Variants in IRF4 observed in about 807,000 individuals in gnomAD.
The protein encoded by IRF4 is lymphocyte-specific interferon regulatory factor.
A neutral mutation model predicts 55.5 loss-of-function variants in IRF4; 13 were observed. The observed-to-expected ratio is 0.23, with a 90% confidence interval of 0.15 to 0.37. IRF4 has a LOEUF of 0.37. IRF4 is among the 10% of genes least tolerant of loss of function. The pLI, the probability that IRF4 is intolerant of heterozygous loss-of-function variation, is 1.00. For missense variants in IRF4, 397 were observed against 593.8 expected (o/e 0.67, Z 3.44); for synonymous variants, 249 against 240.7 (o/e 1.03, Z -0.32).
Position 408,343 on chromosome 6 carries a change from C to G in IRF4, c.*745C>G, listed in dbSNP as rs929429876. On this transcript the variant is annotated 3_prime_UTR_variant, in exon 9 of 9. Transcript: ENST00000380956. ...GCCTGTAGCCTTGGGGAGGCCCATCCCCCACCTGCCAGCGGTTTCCTGGTG... is the reference window on the plus strand; with the variant it reads ...GCCTGTAGCCTTGGGGAGGCCCATCGCCCACCTGCCAGCGGTTTCCTGGTG... The G allele has an allele frequency of 4.3e-6, 1 of 231,816 alleles. No homozygotes were observed. Among genetic ancestry groups the G allele is most frequent in the African/African-American group, 2.2e-5 (1 of 45,256 alleles). 14.4% of individuals were successfully genotyped at this position (231,816 alleles called of 1,614,324 possible). A position where few individuals can be genotyped will look rare whatever the true frequency, so the allele number is the denominator to read the frequency against.
At position 393,067 on chromosome 6, in the gene IRF4, C is replaced by G. The variant is rs1353957641; in HGVS notation, c.-55-31C>G. 1 of 1,276,432 alleles carries G rather than the reference C, an allele frequency of 7.8e-7. No individual in the cohort carries two copies. The highest frequency in any genetic ancestry group is 1.1e-6 in the Non-Finnish European group (1 of 928,740). 79.1% of individuals were successfully genotyped at this position (1,276,432 alleles called of 1,614,324 possible). A position where few individuals can be genotyped will look rare whatever the true frequency, so the allele number is the denominator to read the frequency against. Reference sequence around the variant, plus strand: ...GCGGGGTGCCCGGAGTGCGGTGCCTCGTGGCTGAAGGGCAGCTCTTCTCCC... The same window carrying G: ...GCGGGGTGCCCGGAGTGCGGTGCCTGGTGGCTGAAGGGCAGCTCTTCTCCC... On this transcript the variant is annotated intron_variant, in intron 1 of 8. Transcript: ENST00000380956. The surrounding 1 kb of genome is among the most constrained non-coding windows in gnomAD (Gnocchi z 5.4).
chr6:392,364 A>G lies in IRF4; in HGVS notation c.-56+555A>G, dbSNP rs147430042. On this transcript the variant is annotated intron_variant, in intron 1 of 8. Coordinates refer to ENST00000380956, the MANE Select transcript of IRF4 (RefSeq NM_002460.4). ...CGGCCTGGCGCGGTCCCTGCCTCCC[A>G]GGCTCCGCAGCTGTCGTCGCCCTCT... 6.8e-3 allele frequency among the ~76,000 whole-genome samples: 1,033 copies of G among 152,060 alleles called. 10 individuals carry two copies. Among genetic ancestry groups the G allele is most frequent in the Non-Finnish European group, 0.012 (846 of 67,962 alleles).
At chr6:392,528 T>C (rs1761132824) in intron 1 of IRF4, among the ~76,000 whole-genome samples, 1 of 152,238 alleles carries the variant, frequency 6.6e-6, no homozygotes, top group South Asian at 2.1e-4. Context: ...TAGTGCGCGC[T>C]AGCTGGGCAG....
At chr6:405,749 G>A (rs1019723575) in intron 8 of IRF4, among the ~76,000 whole-genome samples, 2 of 152,214 alleles carry the variant, frequency 1.3e-5, no homozygotes, top group African/African-American at 2.4e-5. Context: ...ACTGTGGCAA[G>A]TAACACTAAA....
intron 8 of IRF4, among the ~76,000 whole-genome samples, chr6:406,094 G>C (rs1367109318): frequency 1.3e-5 from 2 of 152,178 alleles, no homozygotes; most frequent in African/African-American, 2.4e-5. Flanking sequence ...CAACCAACCA[G>C]TATATAATCC....
chr6:403,013 G>A (rs1010334998), intron 7 of IRF4, among the ~76,000 whole-genome samples: 5 of 152,234 alleles, frequency 3.3e-5, no homozygotes, highest in African/African-American at 1.2e-4. Flanking sequence ...CAGTTTGCAG[G>A]ACAGAGCGAG....
At chr6:400,862 T>C (rs754762782) in intron 6 of IRF4, among the ~76,000 whole-genome samples, 5 of 152,140 alleles carry the variant, frequency 3.3e-5, no homozygotes, top group Non-Finnish European at 5.9e-5. Flanking sequence ...TTGGGGACGT[T>C]TCAGGTATGT....
intron 1 of IRF4, among the ~76,000 whole-genome samples, chr6:392,338 C>A (rs1312623124): frequency 6.6e-6 from 1 of 152,204 alleles, no homozygotes; most frequent in African/African-American, 2.4e-5. Flanking sequence ...GGTGGCCTAG[C>A]CGGCCTGGCG....
chr6:393,121 CCCCGGG>C lies in IRF4; in HGVS notation c.-30_-25del. The stretch of plus-strand genomic sequence containing the variant: ...AGTGCAGAGCAGAGCGGGCGGAGGA[CCCCGGG>C]CGCGGGCGCGGACGGCACGCGGGGC... On this transcript the variant is annotated 5_prime_UTR_variant, in exon 2 of 9. Coordinates refer to ENST00000380956, the MANE Select transcript of IRF4 (RefSeq NM_002460.4). The surrounding 1 kb of genome is among the most constrained non-coding windows in gnomAD (Gnocchi z 5.4). 6.5e-7 allele frequency: 1 copy of C among 1,540,694 alleles called. No individual in the cohort carries two copies. The highest frequency in any genetic ancestry group is 8.8e-7 in the Non-Finnish European group (1 of 1,141,118).
Position 393,110 on chromosome 6 carries a change from C to G in IRF4, c.-43C>G. On this transcript the variant is annotated 5_prime_UTR_variant, in exon 2 of 9. Transcript: ENST00000380956. This position sits in a 1 kb window ranked among gnomAD's most constrained non-coding sequence, Gnocchi z 5.4. ...CTTCTCCCCGCAGTGCAGAGCAGAG[C>G]GGGCGGAGGACCCCGGGCGCGGGCG... The G allele has an allele frequency of 6.6e-7, 1 of 1,519,746 alleles. No homozygotes were observed. The highest frequency in any genetic ancestry group is 8.9e-7 in the Non-Finnish European group (1 of 1,124,408). 94.1% of individuals were successfully genotyped at this position (1,519,746 alleles called of 1,614,324 possible).
chr6:407,825 A>T lies in IRF4; in HGVS notation c.*227A>T, dbSNP rs993291296. On this transcript the variant is annotated 3_prime_UTR_variant, in exon 9 of 9. Coordinates refer to ENST00000380956, the MANE Select transcript of IRF4 (RefSeq NM_002460.4). ...ACCCAAGACAAGTGATTTTCATTGT[A>T]AATATTTGACTTTAGTGAAAGCGTC... is the stretch of plus-strand genomic sequence containing the variant. 4.0e-6 allele frequency: 2 copies of T among 495,298 alleles called. No homozygotes were observed. Among genetic ancestry groups the T allele is most frequent in the Non-Finnish European group, 7.0e-6 (2 of 285,382 alleles). The allele number at this position is 495,298 out of a possible 1,614,324, so 30.7% of individuals were successfully genotyped here.
chr6:393,097 G>A lies in IRF4; in HGVS notation c.-55-1G>A. On this transcript the variant is annotated splice_acceptor_variant, in intron 1 of 8. Coordinates refer to ENST00000380956, the MANE Select transcript of IRF4 (RefSeq NM_002460.4). LOFTEE classifies it low-confidence loss of function (5UTR_SPLICE). This position sits in a 1 kb window ranked among gnomAD's most constrained non-coding sequence, Gnocchi z 5.4. ...CTGAAGGGCAGCTCTTCTCCCCGCA[G>A]TGCAGAGCAGAGCGGGCGGAGGACC... The A allele has an allele frequency of 6.7e-7, 1 of 1,487,772 alleles. No individual in the cohort carries two copies. Among genetic ancestry groups the A allele is most frequent in the African/African-American group, 1.4e-5 (1 of 71,868 alleles). The allele number at this position is 1,487,772 out of a possible 1,614,324, so 92.2% of individuals were successfully genotyped here.
chr6:400,906 A>G (rs979159667), intron 6 of IRF4, among the ~76,000 whole-genome samples: 1 of 152,250 alleles, frequency 6.6e-6, no homozygotes, highest in East Asian at 1.9e-4. Context: ...ACACCGTTAT[A>G]TTTTTTGCTA....
rs527466193 is a variant in IRF4, at chr6:405,527, G to A, written c.1212+397G>A. Among the ~76,000 whole-genome samples, 186 of 152,316 alleles carry A rather than the reference G, an allele frequency of 1.2e-3. 1 individual carries two copies. The highest frequency in any genetic ancestry group is 2.4e-3 in the Non-Finnish European group (163 of 68,022). ...TCTAGCTAGTGGATCTTCATTCAAT[G>A]GAAAAGCTTTTCCCAAATGAGAAAC... On this transcript the variant is annotated intron_variant, in intron 8 of 8. Coordinates refer to ENST00000380956, the MANE Select transcript of IRF4 (RefSeq NM_002460.4).
intron 5 of IRF4, 32 bp from the exon 6 acceptor site, chr6:398,796 A>G (rs1349133075): frequency 2.0e-6 from 3 of 1,535,552 alleles, no homozygotes; most frequent in Non-Finnish European, 2.7e-6. Flanking sequence ...CTCTCTGTCT[A>G]GACATCATCT....
rs566047868 is a variant in IRF4, at chr6:407,629, C to CTT, written c.*49_*50dup. The CTT allele has an allele frequency of 4.7e-3, 6,042 of 1,273,764 alleles. No homozygotes were observed. The highest frequency in any genetic ancestry group is 5.2e-3 in the Non-Finnish European group (4,829 of 935,848). 78.9% of individuals were successfully genotyped at this position (1,273,764 alleles called of 1,614,324 possible). ...GTCAAGATGAGTGGTTTTCTTTTTC[C>CTT]TTTTTTTTTTTTTTTTTTTGATACG... is the stretch of plus-strand genomic sequence containing the variant. On this transcript the variant is annotated 3_prime_UTR_variant, in exon 9 of 9. Transcript: ENST00000380956.
At chr6:395,821 C>T in intron 3 of IRF4, 26 bp from the exon 4 acceptor site, 1 of 1,578,560 alleles carries the variant, frequency 6.3e-7, no homozygotes, top group Non-Finnish European at 8.7e-7. Context: ...TACGTTGTGC[C>T]ATTTCCCTTT....
chr6:397,583 G>C (rs1224801392), intron 5 of IRF4: 2 of 253,278 alleles, frequency 7.9e-6, no homozygotes, highest in Middle Eastern at 1.1e-3. Context: ...AGGGATGCTG[G>C]GAGATTATTG....
At chr6:401,280 C>T in intron 6 of IRF4, 144 bp from the exon 7 acceptor site, 1 of 631,948 alleles carries the variant, frequency 1.6e-6, no homozygotes, top group Non-Finnish European at 2.7e-6. Context: ...TTTCCCAGGC[C>T]TCCTTGACGC....
Sources: gnomAD v4.1 joint callset for allele counts (sites outside exome capture counted in the v4.1 genomes callset) on GRCh38, gnomAD v4.1.1 for gene constraint, Gnocchi (gnomAD v3.1) non-coding constraint, MANE v1.5 for transcripts, NCBI Gene and HGNC (gene_info 2026-07-23, HGNC 2026-07-21) for gene names.